CSMD1: variants seen among roughly 807,000 people sequenced by gnomAD.
The protein encoded by CSMD1 is CUB and Sushi multiple domains 1.
Under a neutral mutation model 417.5 loss-of-function variants are expected in CSMD1, and 213 were observed. The ratio of observed to expected loss-of-function variants is 0.51; its 90% CI spans 0.46 to 0.57. The LOEUF (loss-of-function observed/expected upper bound fraction) is 0.57, where lower values mean the gene tolerates loss of function less well. CSMD1 is among the 20% of genes least tolerant of loss of function. The pLI, the probability that CSMD1 is intolerant of heterozygous loss-of-function variation, is 0.00. For synonymous variants in CSMD1, 2,862 were observed against 1,736.8 expected (o/e 1.65, Z -16.11); for missense variants, 6,923 against 4,529.7 (o/e 1.53, Z -15.17).
At chr8:3,190,917 G>A (rs1239337125) in intron 33 of CSMD1, among the ~76,000 whole-genome samples, 2 of 152,190 alleles carry the variant, frequency 1.3e-5, no homozygotes, top group African/African-American at 4.8e-5. Context: ...CTAAAGTAGT[G>A]GCACTCATAG....
intron 1 of CSMD1, among the ~76,000 whole-genome samples, chr8:4,938,771 C>G (rs560050689): frequency 2.2e-4 from 33 of 152,132 alleles, no homozygotes; most frequent in Non-Finnish European, 3.7e-4. Context: ...GCCTGTGGGT[C>G]AAGAAGTGCA....
At chr8:3,300,396 TAAG>T (rs973401298) in intron 25 of CSMD1, among the ~76,000 whole-genome samples, 16 of 152,036 alleles carry the variant, frequency 1.1e-4, no homozygotes, top group African/African-American at 3.9e-4. Context: ...ATTTTAAAAT[TAAG>T]AAAAATAATT....
At chr8:3,969,118 G>A (rs1238627040) in intron 5 of CSMD1, among the ~76,000 whole-genome samples, 1 of 152,136 alleles carries the variant, frequency 6.6e-6, no homozygotes, top group Non-Finnish European at 1.5e-5. Flanking sequence ...AGGCTTGGTG[G>A]CATATGCCTG....
chr8:4,004,480 T>A (rs1011925001), intron 4 of CSMD1, among the ~76,000 whole-genome samples: 2 of 152,012 alleles, frequency 1.3e-5, no homozygotes, highest in East Asian at 3.9e-4. Context: ...CTAATTTATC[T>A]ATTATATATC....
intron 5 of CSMD1, among the ~76,000 whole-genome samples, chr8:3,899,096 G>C (rs920696799): frequency 1.3e-5 from 2 of 152,186 alleles, no homozygotes; most frequent in Non-Finnish European, 2.9e-5. Flanking sequence ...TTCATCTCTA[G>C]TTTTAATGCA....
intron 3 of CSMD1, among the ~76,000 whole-genome samples, chr8:4,222,811 G>C (rs927113529): frequency 6.6e-6 from 1 of 152,104 alleles, no homozygotes; most frequent in Non-Finnish European, 1.5e-5. Flanking sequence ...CTGACCTGAG[G>C]ATTTTGCCAG....
chr8:3,363,741 AACCTTTT>A (rs1305374338), intron 20 of CSMD1, among the ~76,000 whole-genome samples: 1 of 152,174 alleles, frequency 6.6e-6, no homozygotes, highest in Admixed American at 6.5e-5. Flanking sequence ...TCCAACTTTT[AACCTTTT>A]GAAGAGAATG....
intron 1 of CSMD1, among the ~76,000 whole-genome samples, chr8:4,977,832 G>A (rs548964319): frequency 1.3e-5 from 2 of 152,324 alleles, no homozygotes; most frequent in Admixed American, 1.3e-4. Flanking sequence ...GTATAGGGCT[G>A]GCCTGATAGG....
chr8:3,558,724 G>C (rs185274358), intron 10 of CSMD1, among the ~76,000 whole-genome samples: 118 of 150,456 alleles, frequency 7.8e-4, no homozygotes, highest in Non-Finnish European at 1.4e-3. Context: ...TGCTTCAGTA[G>C]TACCCCGTGT....
intron 5 of CSMD1, among the ~76,000 whole-genome samples, chr8:3,900,746 G>T (rs537616438): frequency 6.6e-6 from 1 of 151,608 alleles, no homozygotes; most frequent in South Asian, 2.1e-4. Flanking sequence ...AGCTGCCACC[G>T]CAACTGGGTG....
intron 5 of CSMD1, among the ~76,000 whole-genome samples, chr8:3,849,369 G>A (rs978031501): frequency 2.0e-5 from 3 of 152,090 alleles, no homozygotes; most frequent in South Asian, 2.1e-4. Context: ...TCCACTACCC[G>A]CAGCTGCCAT....
At chr8:3,144,398 T>C (rs1031213384) in intron 40 of CSMD1, among the ~76,000 whole-genome samples, 1 of 151,904 alleles carries the variant, frequency 6.6e-6, no homozygotes, top group Admixed American at 6.6e-5. Flanking sequence ...TTAAAAAAAA[T>C]AGAACGTGAA....
intron 2 of CSMD1, among the ~76,000 whole-genome samples, chr8:4,490,283 A>C (rs990213491): frequency 1.3e-5 from 2 of 151,484 alleles, no homozygotes; most frequent in Middle Eastern, 3.2e-3. Flanking sequence ...CTCGTGATCC[A>C]CTCTCTTCGG....
At chr8:3,807,645 G>C (rs1401609436) in intron 5 of CSMD1, among the ~76,000 whole-genome samples, 1 of 152,118 alleles carries the variant, frequency 6.6e-6, no homozygotes, top group Non-Finnish European at 1.5e-5. Context: ...GTAAACACTG[G>C]GAAGTTTTCA....
chr8:3,971,632 G>T (rs911076724), intron 5 of CSMD1, among the ~76,000 whole-genome samples: 3 of 151,970 alleles, frequency 2.0e-5, no homozygotes, highest in African/African-American at 7.2e-5. Flanking sequence ...TTTCCTCAAG[G>T]GAGTCTCAAG....
intron 25 of CSMD1, among the ~76,000 whole-genome samples, chr8:3,291,555 G>C (rs1325544063): frequency 2.6e-5 from 4 of 152,134 alleles, no homozygotes; most frequent in South Asian, 2.1e-4. Flanking sequence ...TTAGTCTTGG[G>C]AGGATGTATG....
At chr8:4,427,585 A>G (rs1797637649) in intron 2 of CSMD1, among the ~76,000 whole-genome samples, 1 of 152,138 alleles carries the variant, frequency 6.6e-6, no homozygotes, top group Admixed American at 6.6e-5. Context: ...GTCCGCCATC[A>G]TTTGGAGAGA....
intron 2 of CSMD1, among the ~76,000 whole-genome samples, chr8:4,481,486 T>C (rs551668741): frequency 6.6e-6 from 1 of 152,198 alleles, no homozygotes; most frequent in Non-Finnish European, 1.5e-5. Flanking sequence ...GGAAGGCATA[T>C]GAGATTTGAT....
chr8:3,692,376 C>T (rs1239320082), intron 7 of CSMD1, among the ~76,000 whole-genome samples: 1 of 152,174 alleles, frequency 6.6e-6, no homozygotes, highest in Non-Finnish European at 1.5e-5. Flanking sequence ...TCGCTGCTTT[C>T]TGTGGAGCTT....
Sources: allele counts gnomAD v4.1 joint callset (sites outside exome capture counted in the v4.1 genomes callset), GRCh38; gene constraint gnomAD v4.1.1; transcripts MANE v1.5; gene names NCBI Gene and HGNC (gene_info 2026-07-23, HGNC 2026-07-21).